The following NXPE2 variants were observed in gnomAD, a reference collection of about 807,000 sequenced individuals.
NXPE2 encodes neurexophilin and PC-esterase domain family member 2, also known as NXPE family member 2.
In NXPE2, 34 loss-of-function variants were observed where a neutral mutation model predicts 34.4. That is an observed-to-expected ratio of 0.99 (90% CI 0.75 to 1.31). The LOEUF (loss-of-function observed/expected upper bound fraction) is 1.31, where lower values mean the gene tolerates loss of function less well. Ranked by LOEUF, NXPE2 falls within the 40% of genes most tolerant of loss-of-function variation. NXPE2 has a pLI of 0.00. For synonymous variants in NXPE2, 235 were observed against 231.3 expected, an observed-to-expected ratio of 1.02 and a Z score of -0.15; for missense variants, 649 against 672.5, an observed-to-expected ratio of 0.97 and a Z score of 0.39.
the NXPE2 span, among the ~76,000 whole-genome samples, chr11:114,560,164 A>C: frequency 1.3e-5 from 2 of 152,132 alleles, no homozygotes; most frequent in Admixed American, 1.3e-4. Flanking sequence ...CTCTATGGAT[A>C]GGCTTTCCTC....
At chr11:114,504,110 C>A in the NXPE2 span, among the ~76,000 whole-genome samples, 2 of 152,232 alleles carry the variant, frequency 1.3e-5, no homozygotes, top group Non-Finnish European at 2.9e-5. Flanking sequence ...GGCAACTGCC[C>A]ACATCACTTC....
the NXPE2 span, among the ~76,000 whole-genome samples, chr11:114,639,040 T>C: frequency 6.6e-6 from 1 of 152,090 alleles, no homozygotes; most frequent in African/African-American, 2.4e-5. Context: ...TACTGCTGTC[T>C]TTTTGTTTGT....
chr11:114,464,847 CA>C, the NXPE2 span, among the ~76,000 whole-genome samples: 2 of 147,044 alleles, frequency 1.4e-5, no homozygotes. Context: ...ATATTTCCTA[CA>C]AAAAAAAACG....
chr11:114,601,971 A>T, the NXPE2 span, among the ~76,000 whole-genome samples: 1 of 86,072 alleles, frequency 1.2e-5, no homozygotes, highest in African/African-American at 4.7e-5. Context: ...TATATTATAT[A>T]TTCTGTTATA....
the NXPE2 span, among the ~76,000 whole-genome samples, chr11:114,568,854 C>CT: frequency 6.6e-6 from 1 of 152,000 alleles, no homozygotes; most frequent in Admixed American, 6.5e-5. Context: ...AATTTTATGT[C>CT]TTTTTTGTTT....
At chr11:114,719,247 C>T in the NXPE2 span, among the ~76,000 whole-genome samples, 1 of 152,164 alleles carries the variant, frequency 6.6e-6, no homozygotes, top group African/African-American at 2.4e-5. Flanking sequence ...CTTCCTTTTA[C>T]CTCCCTCCCA....
At chr11:114,530,478 G>A in the NXPE2 span, 5 of 1,614,092 alleles carry the variant, frequency 3.1e-6, no homozygotes, top group Non-Finnish European at 4.2e-6. Flanking sequence ...CAGAGACAGG[G>A]AGACCTGGCC....
At chr11:114,626,115 G>A in the NXPE2 span, among the ~76,000 whole-genome samples, 9 of 152,302 alleles carry the variant, frequency 5.9e-5, no homozygotes, top group East Asian at 1.4e-3. Flanking sequence ...GCCCGCCATT[G>A]CCCAGGCTTG....
At chr11:114,634,599 C>G in the NXPE2 span, among the ~76,000 whole-genome samples, 1 of 151,946 alleles carries the variant, frequency 6.6e-6, no homozygotes, top group Non-Finnish European at 1.5e-5. Flanking sequence ...GGTTTTAGGT[C>G]TAACATTTAA....
At chr11:114,666,011 T>C in the NXPE2 span, among the ~76,000 whole-genome samples, 15 of 152,110 alleles carry the variant, frequency 9.9e-5, no homozygotes, top group Middle Eastern at 3.2e-3. Flanking sequence ...CCGATTCCAG[T>C]GCCCTTACTT....
At chr11:114,648,665 ATACT>A in the NXPE2 span, among the ~76,000 whole-genome samples, 2 of 152,210 alleles carry the variant, frequency 1.3e-5, no homozygotes, top group Admixed American at 6.5e-5. Flanking sequence ...TCCTTAAGTC[ATACT>A]TAATCTCCAA....
chr11:114,500,239 G>T, the NXPE2 span, among the ~76,000 whole-genome samples: 2 of 152,020 alleles, frequency 1.3e-5, no homozygotes, highest in East Asian at 3.9e-4. Context: ...AAATGCATGA[G>T]ACTTCCAGTT....
the NXPE2 span, among the ~76,000 whole-genome samples, chr11:114,724,121 T>C: frequency 5.8e-4 from 89 of 152,270 alleles, 1 homozygote; most frequent in African/African-American, 1.7e-3. Context: ...GTGGAGACCA[T>C]TATAGTCTCC....
the NXPE2 span, among the ~76,000 whole-genome samples, chr11:114,608,995 A>T: frequency 3.8e-4 from 54 of 142,226 alleles, no homozygotes; most frequent in Non-Finnish European, 5.0e-4. Flanking sequence ...CACTGTTGCC[A>T]GGTGGATAAT....
At chr11:114,603,038 C>T in the NXPE2 span, among the ~76,000 whole-genome samples, 36 of 150,734 alleles carry the variant, frequency 2.4e-4, no homozygotes, top group East Asian at 5.8e-4. Flanking sequence ...AATACGGAAC[C>T]GTATATAATA....
At chr11:114,725,237 G>A in the NXPE2 span, among the ~76,000 whole-genome samples, 1 of 152,052 alleles carries the variant, frequency 6.6e-6, no homozygotes, top group Admixed American at 6.6e-5. Context: ...GCACGTATCA[G>A]TATCACAAGA....
At chr11:114,691,478 G>A (rs550963950) in intron 2 of NXPE2, among the ~76,000 whole-genome samples, 1 of 152,246 alleles carries the variant, frequency 6.6e-6, no homozygotes, top group South Asian at 2.1e-4. Context: ...AAGAGTAATA[G>A]CTGGCAGCTA....
chr11:114,768,360 G>C, the NXPE2 span, among the ~76,000 whole-genome samples: 1 of 152,128 alleles, frequency 6.6e-6, no homozygotes, highest in South Asian at 2.1e-4. Context: ...CTCCAGCTTT[G>C]TTCTTTTTGT....
At chr11:114,638,900 G>T in the NXPE2 span, among the ~76,000 whole-genome samples, 7 of 148,054 alleles carry the variant, frequency 4.7e-5, no homozygotes, top group African/African-American at 1.3e-4. Flanking sequence ...TAGTTAGGCT[G>T]CTTGGGGGTC....
Sources: allele counts gnomAD v4.1 joint callset (sites outside exome capture counted in the v4.1 genomes callset), GRCh38; gene constraint gnomAD v4.1.1; transcripts MANE v1.5; gene names NCBI Gene and HGNC (gene_info 2026-07-23, HGNC 2026-07-21).